PSMA1: variants seen among roughly 807,000 people sequenced by gnomAD.
PSMA1 encodes the protein proteasome subunit alpha type-1.
In PSMA1, 3 loss-of-function variants were observed where a neutral mutation model predicts 38.4. The observed-to-expected ratio is 0.08, with a 90% CI of 0.04 to 0.20. The LOEUF is 0.20. PSMA1 is among the 10% of genes least tolerant of loss of function. The pLI, the probability that PSMA1 is intolerant of heterozygous loss-of-function variation, is 1.00. For synonymous variants in PSMA1, 101 were observed against 107.1 expected, an observed-to-expected ratio of 0.94 and a Z score of 0.35; for missense variants, 227 against 325.3, an observed-to-expected ratio of 0.70 and a Z score of 2.32.
intron 1 of PSMA1, among the ~76,000 whole-genome samples, chr11:14,634,089 C>A (rs1853078972): frequency 6.6e-6 from 1 of 152,160 alleles, no homozygotes; most frequent in East Asian, 1.9e-4. Flanking sequence ...ATGCAGAAAT[C>A]ACCCGTCTTC....
intron 2 of PSMA1, among the ~76,000 whole-genome samples, chr11:14,547,309 A>C (rs1851837070): frequency 6.6e-6 from 1 of 152,224 alleles, no homozygotes; most frequent in South Asian, 2.1e-4. Context: ...TTAGAAGGTT[A>C]GAGAAATCTT....
At chr11:14,567,828 G>A (rs540781482) in intron 2 of PSMA1, among the ~76,000 whole-genome samples, 289 of 152,204 alleles carry the variant, frequency 1.9e-3, no homozygotes, top group Non-Finnish European at 2.7e-3. Flanking sequence ...TAATAATAGC[G>A]TTGCAGTGCT....
intron 2 of PSMA1, among the ~76,000 whole-genome samples, chr11:14,565,032 G>C (rs1371905821): frequency 6.6e-6 from 1 of 152,144 alleles, no homozygotes; most frequent in African/African-American, 2.4e-5. Flanking sequence ...TCCTGCCTCA[G>C]CCTCCCAAAG....
intron 1 of PSMA1, among the ~76,000 whole-genome samples, chr11:14,633,394 GC>G (rs1183953011): frequency 6.6e-6 from 1 of 151,962 alleles, no homozygotes; most frequent in Admixed American, 6.6e-5. Flanking sequence ...GGAGTACCCT[GC>G]CGTGTGAGGT....
chr11:14,618,362 G>A (rs1182640436), intron 1 of PSMA1, among the ~76,000 whole-genome samples: 1 of 152,144 alleles, frequency 6.6e-6, no homozygotes, highest in Non-Finnish European at 1.5e-5. Flanking sequence ...AAATTGCCCT[G>A]ATATGTTTAT....
chr11:14,599,339 A>G (rs1388207816), intron 2 of PSMA1, among the ~76,000 whole-genome samples: 1 of 152,174 alleles, frequency 6.6e-6, no homozygotes, highest in Non-Finnish European at 1.5e-5. Context: ...GTGTTTTCCA[A>G]CTTGGCTCCA....
chr11:14,539,864 G>C (rs1458701413), intron 2 of PSMA1, among the ~76,000 whole-genome samples: 5 of 119,172 alleles, frequency 4.2e-5, no homozygotes, highest in African/African-American at 1.6e-4. Context: ...AACAAACAAA[G>C]AAAAAAAAAA....
chr11:14,599,688 C>T lies in PSMA1; in HGVS notation c.21+11278G>A, dbSNP rs182166012. On this transcript the variant is annotated intron_variant, in intron 2 of 10. Transcript: ENST00000418988. ...CTTCCTCGAGATGGGTTTGAACATC[C>T]TCCTTTACCTCGGAGAAGTCTGTTA... Among the ~76,000 whole-genome samples the T allele has an allele frequency of 2.8e-3, 420 of 152,238 alleles. 12 individuals carry two copies. Among genetic ancestry groups the T allele is most frequent in the Non-Finnish European group, 8.4e-4 (57 of 68,024 alleles).
intron 2 of PSMA1, among the ~76,000 whole-genome samples, chr11:14,526,750 G>C (rs1240928712): frequency 6.6e-6 from 1 of 152,036 alleles, no homozygotes; most frequent in Non-Finnish European, 1.5e-5. Context: ...TGATGCACCT[G>C]ACATTCACTC....
intron 2 of PSMA1, among the ~76,000 whole-genome samples, chr11:14,569,863 G>A (rs895653258): frequency 1.3e-5 from 2 of 152,198 alleles, no homozygotes; most frequent in African/African-American, 4.8e-5. Flanking sequence ...GAGAGTAGTG[G>A]TTCTCCCAGC....
At chr11:14,606,331 A>G (rs1852643005) in intron 2 of PSMA1, among the ~76,000 whole-genome samples, 1 of 151,786 alleles carries the variant, frequency 6.6e-6, no homozygotes, top group Non-Finnish European at 1.5e-5. Context: ...CAGGATGATC[A>G]CCTGGGCCCA....
At chr11:14,520,388 A>C, upstream of PSMA1, 1 of 1,613,804 alleles carries the variant, frequency 6.2e-7, no homozygotes, top group African/African-American at 1.3e-5. Context: ...TCTACAGAGA[A>C]GTCTGCGGGA....
intron 1 of PSMA1, among the ~76,000 whole-genome samples, chr11:14,630,147 A>G (rs1051240848): frequency 6.6e-6 from 1 of 151,956 alleles, no homozygotes; most frequent in Non-Finnish European, 1.5e-5. Flanking sequence ...CTAATTGAAT[A>G]CCCTTTATTT....
chr11:14,592,902 A>G (rs1037246831), intron 2 of PSMA1, among the ~76,000 whole-genome samples: 1 of 152,106 alleles, frequency 6.6e-6, no homozygotes, highest in African/African-American at 2.4e-5. Context: ...TTCTCATCCT[A>G]GTTGTGCTTT....
chr11:14,638,981 T>A (rs900749949), intron 1 of PSMA1, among the ~76,000 whole-genome samples: 3 of 152,086 alleles, frequency 2.0e-5, no homozygotes, highest in Non-Finnish European at 4.4e-5. Context: ...TCCAGGAAAT[T>A]TCTGGGTAAG....
intron 2 of PSMA1, among the ~76,000 whole-genome samples, chr11:14,531,744 G>A (rs1256749975): frequency 6.6e-6 from 1 of 152,130 alleles, no homozygotes; most frequent in Non-Finnish European, 1.5e-5. Context: ...ACAGGAATGA[G>A]CCACCAAGCC....
chr11:14,533,630 C>T (rs971626897), intron 2 of PSMA1, among the ~76,000 whole-genome samples: 1 of 150,464 alleles, frequency 6.6e-6, no homozygotes, highest in Non-Finnish European at 1.5e-5. Flanking sequence ...GTTGCCCAGG[C>T]AGGTCTTGAA....
chr11:14,632,809 A>T (rs1853043323), intron 1 of PSMA1, among the ~76,000 whole-genome samples: 1 of 151,930 alleles, frequency 6.6e-6, no homozygotes, highest in Non-Finnish European at 1.5e-5. Flanking sequence ...TACACCAATC[A>T]GACGTAGATT....
At chr11:14,578,548 A>G (rs565134696) in intron 2 of PSMA1, among the ~76,000 whole-genome samples, 11 of 152,384 alleles carry the variant, frequency 7.2e-5, no homozygotes, top group South Asian at 2.1e-4. Context: ...TTTGCAACTC[A>G]TTAATATGAT....
Sources: allele counts gnomAD v4.1 joint callset (sites outside exome capture counted in the v4.1 genomes callset), GRCh38; gene constraint gnomAD v4.1.1; transcripts MANE v1.5; gene names NCBI Gene and HGNC (gene_info 2026-07-23, HGNC 2026-07-21).